The following PID1 variants were observed in gnomAD, a reference collection of about 807,000 sequenced individuals.
PID1 encodes phosphotyrosine interaction domain containing 1, also known as PTB-containing, cubilin and LRP1-interacting protein.
PID1 carries 10 observed loss-of-function variants against 19.1 expected under a neutral mutation model. That is an observed-to-expected ratio of 0.52 (90% CI 0.32 to 0.89). The LOEUF is 0.89. Ranked by LOEUF, PID1 falls within the 40% of genes least tolerant of loss-of-function variation. The probability of loss-of-function intolerance (pLI) is 0.03; values close to 1 mark genes in which losing one functional copy is unlikely to be tolerated. For synonymous variants in PID1, 130 were observed against 116.0 expected, an observed-to-expected ratio of 1.12 and a Z score of -0.78; for missense variants, 248 against 285.3, an observed-to-expected ratio of 0.87 and a Z score of 0.94.
intron 2 of PID1, among the ~76,000 whole-genome samples, chr2:229,090,410 G>A (rs1009148151): frequency 6.6e-6 from 1 of 152,174 alleles, no homozygotes; most frequent in Admixed American, 6.5e-5. Flanking sequence ...GCAGGGGGAA[G>A]GGAGGTGAGC....
intron 1 of PID1, among the ~76,000 whole-genome samples, chr2:229,216,500 T>A (rs1691849307): frequency 6.6e-6 from 1 of 152,124 alleles, no homozygotes; most frequent in Non-Finnish European, 1.5e-5. Context: ...TAAATGACCA[T>A]GTCTCAGAGA....
At chr2:229,116,380 T>G (rs112942742) in intron 2 of PID1, among the ~76,000 whole-genome samples, 186 of 152,306 alleles carry the variant, frequency 1.2e-3, no homozygotes, top group Non-Finnish European at 2.1e-3. Flanking sequence ...TCATGGCACT[T>G]CATCCTGCCC....
At chr2:229,259,127 A>C (rs1690389569) in intron 1 of PID1, among the ~76,000 whole-genome samples, 1 of 148,118 alleles carries the variant, frequency 6.8e-6, no homozygotes, top group Non-Finnish European at 1.5e-5. Flanking sequence ...ATTCACATTT[A>C]CCTAATGACT....
chr2:229,120,875 G>A (rs1188666327), intron 2 of PID1, among the ~76,000 whole-genome samples: 1 of 151,888 alleles, frequency 6.6e-6, no homozygotes, highest in African/African-American at 2.4e-5. Flanking sequence ...TAACAGGTTG[G>A]TTCCCAGGAG....
intron 2 of PID1, among the ~76,000 whole-genome samples, chr2:229,140,073 C>A (rs1399427142): frequency 6.6e-6 from 1 of 152,122 alleles, no homozygotes; most frequent in Non-Finnish European, 1.5e-5. Context: ...TAGCGTGGTA[C>A]TCCAGGACCT....
intron 2 of PID1, among the ~76,000 whole-genome samples, chr2:229,131,764 C>T (rs573066514): frequency 1.6e-4 from 25 of 151,732 alleles, no homozygotes; most frequent in African/African-American, 5.8e-4. Context: ...TGAAGATCAG[C>T]CAAGCAACGT....
At chr2:229,113,906 G>A (rs1288314336) in intron 2 of PID1, among the ~76,000 whole-genome samples, 3 of 152,174 alleles carry the variant, frequency 2.0e-5, no homozygotes, top group East Asian at 1.9e-4. Context: ...CTAAATGAGC[G>A]AAATTTCTAC....
intron 1 of PID1, among the ~76,000 whole-genome samples, chr2:229,156,646 T>A (rs1157184935): frequency 2.0e-5 from 3 of 152,158 alleles, no homozygotes; most frequent in African/African-American, 7.2e-5. Context: ...CCTGGTCCCA[T>A]CACTTCCAAC....
intron 1 of PID1, among the ~76,000 whole-genome samples, chr2:229,249,653 CAGA>C (rs1302072584): frequency 4.6e-5 from 7 of 152,200 alleles, no homozygotes; most frequent in Non-Finnish European, 1.0e-4. Context: ...ATAACTGAAG[CAGA>C]AGAACAAACT....
rs72386398 is a variant in PID1 at position 229,222,864 on chromosome 2, A to AACACACACAC, written c.30+48140_30+48149dup. ...ATTTTAAAAAGTCTCTTCACACACA[A>AACACACACAC]ACACACACACACACACACACACACA... On this transcript the variant is annotated intron_variant, in intron 1 of 2. Coordinates refer to ENST00000392055, the MANE Select transcript of PID1 (RefSeq NM_001100818.2). Among the ~76,000 whole-genome samples the AACACACACAC allele has an allele frequency of 1.8e-3, 191 of 103,978 alleles. 2 individuals carry two copies. Among genetic ancestry groups the AACACACACAC allele is most frequent in the African/African-American group, 8.3e-3 (190 of 22,866 alleles). The allele number at this position is 103,978 out of a possible 152,430, so 68.2% of individuals were successfully genotyped here. A position where few individuals can be genotyped will look rare whatever the true frequency, so the allele number is the denominator to read the frequency against.
intron 2 of PID1, among the ~76,000 whole-genome samples, chr2:229,067,904 C>A (rs1226316281): frequency 1.3e-5 from 2 of 152,244 alleles, no homozygotes; most frequent in African/African-American, 2.4e-5. Context: ...GCAATGGGGG[C>A]AGGGCAAGGT....
chr2:229,231,899 A>T (rs951785820), intron 1 of PID1: 2 of 1,549,890 alleles, frequency 1.3e-6, no homozygotes, highest in Non-Finnish European at 1.7e-6. Context: ...ATAATTTATA[A>T]AAAAAAACAG....
intron 2 of PID1, among the ~76,000 whole-genome samples, chr2:229,139,017 A>AAGAAAG (rs1553565623): frequency 1.1e-5 from 1 of 92,636 alleles, no homozygotes; most frequent in Non-Finnish European, 2.4e-5. Context: ...GAAAGAAAGA[A>AAGAAAG]AGAAAGAAAG....
chr2:229,251,944 T>TAAAAAAAAAAAAAAAAAAAA (rs11284650), intron 1 of PID1, among the ~76,000 whole-genome samples: 4 of 71,466 alleles, frequency 5.6e-5, no homozygotes, highest in East Asian at 3.7e-4. Flanking sequence ...AACCATAAGC[T>TAAAAAAAAAAAAAAAAAAAA]AAAAAAAAAA....
At chr2:229,110,949 G>A (rs1019839728) in intron 2 of PID1, among the ~76,000 whole-genome samples, 21 of 152,128 alleles carry the variant, frequency 1.4e-4, no homozygotes, top group African/African-American at 4.3e-4. Flanking sequence ...TGTGTTGTGG[G>A]AGAGACCTGA....
At chr2:229,217,326 T>C (rs1691868749) in intron 1 of PID1, among the ~76,000 whole-genome samples, 1 of 152,228 alleles carries the variant, frequency 6.6e-6, no homozygotes, top group African/African-American at 2.4e-5. Context: ...TGCTTAGGAT[T>C]TGCTTTGTTT....
At chr2:229,140,564 TGG>T (rs1024401736) in intron 2 of PID1, among the ~76,000 whole-genome samples, 1 of 151,474 alleles carries the variant, frequency 6.6e-6, no homozygotes, top group Non-Finnish European at 1.5e-5. Flanking sequence ...TACCTTATTC[TGG>T]GGTGAAAACT....
intron 2 of PID1, among the ~76,000 whole-genome samples, chr2:229,051,658 A>C (rs1469928507): frequency 2.0e-5 from 3 of 152,220 alleles, no homozygotes; most frequent in African/African-American, 7.2e-5. Context: ...CTAACAGTCC[A>C]TTACCATTAC....
At chr2:229,160,435 G>C (rs1373412698) in intron 1 of PID1, among the ~76,000 whole-genome samples, 1 of 152,074 alleles carries the variant, frequency 6.6e-6, no homozygotes, top group African/African-American at 2.4e-5. Context: ...ACAATATATT[G>C]TGCAACCTCA....
Sources: gnomAD v4.1 joint callset for allele counts (sites outside exome capture counted in the v4.1 genomes callset) on GRCh38, gnomAD v4.1.1 for gene constraint, MANE v1.5 for transcripts, NCBI Gene and HGNC (gene_info 2026-07-23, HGNC 2026-07-21) for gene names.